Variants in ZMYM4 observed in about 807,000 individuals in gnomAD.
ZMYM4 encodes zinc finger MYM-type containing 4, also known as zinc finger MYM-type protein 4.
Under a neutral mutation model 183.2 loss-of-function variants are expected in ZMYM4, and 31 were observed. The observed-to-expected ratio is 0.17, with a 90% CI of 0.13 to 0.23. The LOEUF (loss-of-function observed/expected upper bound fraction) is 0.23. ZMYM4 is among the 10% of genes least tolerant of loss of function. ZMYM4 has a pLI of 1.00. For synonymous variants in ZMYM4, 592 were observed against 631.2 expected (o/e 0.94, Z 0.93); for missense variants, 1,273 against 1,840.3 (o/e 0.69, Z 5.64).
At chr1:35,314,664 AT>A (rs769116908) in intron 1 of ZMYM4, among the ~76,000 whole-genome samples, 16 of 88,948 alleles carry the variant, frequency 1.8e-4, no homozygotes, top group East Asian at 8.2e-4. Context: ...TTCAAAAATG[AT>A]TTTTTTTTTT....
intron 6 of ZMYM4, 111 bp downstream of exon 6, chr1:35,370,224 C>G: frequency 6.7e-7 from 1 of 1,486,832 alleles, no homozygotes; most frequent in South Asian, 1.4e-5. Flanking sequence ...ACTTAGGATG[C>G]CTTTAAATTG....
chr1:35,336,957 C>G (rs887026555), intron 2 of ZMYM4, among the ~76,000 whole-genome samples: 1 of 152,336 alleles, frequency 6.6e-6, no homozygotes, highest in East Asian at 1.9e-4. Flanking sequence ...TTTTCATGTG[C>G]TCTTCGTGCT....
chr1:35,381,397 T>G lies in ZMYM4; in HGVS notation c.1320T>G (p.Ile440Met). 6.2e-7 allele frequency: 1 copy of G among 1,610,112 alleles called. No homozygotes were observed. ...KPIVTINTNS[I>M]STKCSMCQKN... Reference sequence around the variant, plus strand: ...TTGTTACCATAAATACAAATAGTATTTCAACCAAATGCAGCATGTGTCAGA... The same window carrying G: ...TTGTTACCATAAATACAAATAGTATGTCAACCAAATGCAGCATGTGTCAGA... Residue 440 changes from isoleucine (I) to methionine (M), a missense_variant, in exon 8 of 30, where the codon ATT becomes ATG. Around this residue, in one of 6 missense-constraint regions of ZMYM4, gnomAD observed 319 missense variants for 518.1 expected, o/e 0.62. Coordinates refer to ENST00000314607, the MANE Select transcript of ZMYM4 (RefSeq NM_005095.3).
chr1:35,286,582 C>G (rs909280115), intron 1 of ZMYM4, among the ~76,000 whole-genome samples: 19 of 149,906 alleles, frequency 1.3e-4, no homozygotes, highest in African/African-American at 4.6e-4. Context: ...GCCTGCCTGC[C>G]TCTGTCTGCC....
intron 16 of ZMYM4, 42 bp from the exon 17 acceptor site, chr1:35,392,605 T>A: frequency 7.8e-6 from 12 of 1,547,658 alleles, no homozygotes; most frequent in Non-Finnish European, 9.7e-6. Flanking sequence ...AATGTTAAAA[T>A]AATTGTAAAG....
chr1:35,359,329 G>A lies in ZMYM4; in HGVS notation c.490G>A (p.Glu164Lys). The change falls in exon 3 of 30, where the codon GAG becomes AAG. Residue 164 changes from glutamate (E) to lysine (K), a missense_variant. Around this residue, in one of 6 missense-constraint regions of ZMYM4, gnomAD observed 384 missense variants for 465.6 expected, o/e 0.82. Coordinates refer to ENST00000314607, the MANE Select transcript of ZMYM4 (RefSeq NM_005095.3). ...TAGTCTAGTAAGAGAAAACAGCAAA[G>A]AGACATTTTCTGGAAAGGAGAAAAA... The part of the protein sequence containing the change: ...DFSLVRENSK[E>K]TFSGKEKNRD... 6.2e-7 allele frequency: 1 copy of A among 1,611,058 alleles called. No individual in the cohort carries two copies. Among genetic ancestry groups the A allele is most frequent in the Non-Finnish European group, 8.5e-7 (1 of 1,179,082 alleles).
chr1:35,302,378 C>CTTTTTTTTT (rs1179477732), intron 1 of ZMYM4, among the ~76,000 whole-genome samples: 4 of 86,162 alleles, frequency 4.6e-5, no homozygotes, highest in East Asian at 3.4e-4. Context: ...GCTAATTTGA[C>CTTTTTTTTT]TTTTTTTTTT....
At chr1:35,400,495 G>A (rs1284277161) in intron 23 of ZMYM4, among the ~76,000 whole-genome samples, 5 of 152,088 alleles carry the variant, frequency 3.3e-5, no homozygotes, top group East Asian at 1.9e-4. Context: ...GTGAGCCACC[G>A]CGCCCGGCCA....
At chr1:35,410,580 C>G (rs1302694105) in intron 26 of ZMYM4, among the ~76,000 whole-genome samples, 1 of 151,836 alleles carries the variant, frequency 6.6e-6, no homozygotes, top group Non-Finnish European at 1.5e-5. Flanking sequence ...GCTGCGCATC[C>G]CAGGTTCACG....
At chr1:35,409,917 G>A (rs913030122) in intron 26 of ZMYM4, among the ~76,000 whole-genome samples, 4 of 150,916 alleles carry the variant, frequency 2.7e-5, no homozygotes, top group Non-Finnish European at 4.4e-5. Flanking sequence ...TTCAGCCTGG[G>A]TGACAGAACA....
chr1:35,367,066 C>T (rs1350200846), intron 5 of ZMYM4, among the ~76,000 whole-genome samples: 1 of 151,204 alleles, frequency 6.6e-6, no homozygotes, highest in African/African-American at 2.4e-5. Context: ...TGATGCAATT[C>T]TGATGAAAAT....
intron 17 of ZMYM4, 143 bp downstream of exon 17, chr1:35,392,827 A>G: frequency 1.7e-6 from 1 of 600,268 alleles, no homozygotes; most frequent in Non-Finnish European, 2.8e-6. Context: ...GTTCAGGAAT[A>G]GGATTTTCTG....
At chr1:35,398,155 G>A (rs897358949) in intron 20 of ZMYM4, among the ~76,000 whole-genome samples, 3 of 152,146 alleles carry the variant, frequency 2.0e-5, no homozygotes, top group African/African-American at 4.8e-5. Flanking sequence ...TCCAGAAGTG[G>A]CGGAACCAGA....
At chr1:35,338,804 AT>A (rs1384785384) in intron 2 of ZMYM4, among the ~76,000 whole-genome samples, 1 of 152,068 alleles carries the variant, frequency 6.6e-6, no homozygotes, top group Non-Finnish European at 1.5e-5. Context: ...CCCACTTGCT[AT>A]TAGTTTTTTT....
In ZMYM4 at chr1:35,277,113, G is replaced by C. The variant is rs1488956994; in HGVS notation, c.39+8028G>C. On this transcript the variant is annotated intron_variant, in intron 1 of 29. Transcript: ENST00000314607. ...TACAGAGCAGTGGTTCTGAACTTTG[G>C]CTAAAACTTTAGAATTATCTGGAGA... 2.6e-5 allele frequency among the ~76,000 whole-genome samples: 4 copies of C among 152,270 alleles called. No homozygotes were observed. In the East Asian group the frequency reaches 7.7e-4, roughly 29 times the overall value.
At chr1:35,274,182 GAAT>G (rs1273399354) in intron 1 of ZMYM4, among the ~76,000 whole-genome samples, 1 of 152,036 alleles carries the variant, frequency 6.6e-6, no homozygotes, top group Non-Finnish European at 1.5e-5. Context: ...TATGCAATGT[GAAT>G]AATTTGCTTT....
intron 2 of ZMYM4, among the ~76,000 whole-genome samples, chr1:35,334,960 T>G (rs549733071): frequency 6.6e-5 from 10 of 152,238 alleles, no homozygotes; most frequent in Non-Finnish European, 1.3e-4. Context: ...TTATAAATTA[T>G]TAAACACAAA....
chr1:35,412,848 T>C (rs1177426066), intron 26 of ZMYM4, among the ~76,000 whole-genome samples: 2 of 152,078 alleles, frequency 1.3e-5, no homozygotes, highest in African/African-American at 2.4e-5. Context: ...TTAGCCAGAA[T>C]AAATTTAAAT....
At chr1:35,292,230 A>T (rs1006000261) in intron 1 of ZMYM4, 3 of 152,040 alleles carry the variant, frequency 2.0e-5, no homozygotes, top group Non-Finnish European at 4.4e-5. Context: ...CCAGGCTGGA[A>T]CGCAGTAGCT....
Sources: allele counts gnomAD v4.1 joint callset (sites outside exome capture counted in the v4.1 genomes callset), GRCh38; gene constraint gnomAD v4.1.1; regional missense constraint gnomAD v4.1.1; transcripts MANE v1.5; gene names NCBI Gene and HGNC (gene_info 2026-07-23, HGNC 2026-07-21).